Variants in UBR3 observed in about 807,000 individuals in gnomAD.
The protein encoded by UBR3 is E3 ubiquitin-protein ligase UBR3.
UBR3 carries 85 observed loss-of-function variants against 243.2 expected under a neutral mutation model. The ratio of observed to expected loss-of-function variants is 0.35; its 90% CI spans 0.29 to 0.42. The LOEUF (loss-of-function observed/expected upper bound fraction) is 0.42, where lower values mean the gene tolerates loss of function less well. Among genes scored for constraint, UBR3 ranks in the 10% least tolerant of loss-of-function variants. UBR3 has a pLI of 1.00. For missense variants in UBR3, 1,686 were observed against 2,300.8 expected (o/e 0.73, Z 5.47); for synonymous variants, 748 against 799.8 (o/e 0.94, Z 1.09).
At chr2:169,843,136 G>A (rs1225812991) in intron 1 of UBR3, among the ~76,000 whole-genome samples, 1 of 152,102 alleles carries the variant, frequency 6.6e-6, no homozygotes, top group African/African-American at 2.4e-5. Flanking sequence ...ACATTTTCAG[G>A]TATTTATTAT....
intron 35 of UBR3, among the ~76,000 whole-genome samples, chr2:170,062,864 A>G (rs2091481661): frequency 6.6e-6 from 1 of 152,232 alleles, no homozygotes; most frequent in Non-Finnish European, 1.5e-5. Context: ...CTGTAGTGGA[A>G]TACCACACAT....
intron 31 of UBR3, among the ~76,000 whole-genome samples, chr2:170,039,827 T>C (rs1321801676): frequency 6.6e-6 from 1 of 152,118 alleles, no homozygotes; most frequent in Non-Finnish European, 1.5e-5. Context: ...CTCTGCTTTA[T>C]AATATAGTCT....
intron 1 of UBR3, among the ~76,000 whole-genome samples, chr2:169,861,857 T>C (rs2083104123): frequency 1.3e-5 from 2 of 152,166 alleles, no homozygotes; most frequent in Admixed American, 6.5e-5. Context: ...ACATTTACCT[T>C]TTTGATATGT....
chr2:169,961,349 A>T (rs186678089), intron 24 of UBR3, among the ~76,000 whole-genome samples: 8,531 of 151,102 alleles, frequency 0.056, 274 homozygotes, highest in Middle Eastern at 0.071. Flanking sequence ...ATATATATAC[A>T]TTTTTTTTCT....
Position 169,872,309 on chromosome 2 carries a change from G to T in UBR3, c.619G>T (p.Glu207Ter). The change falls in exon 2 of 39, where the codon GAA becomes TAA. Residue 207 changes from glutamate (E) to a stop codon, truncating the protein, a stop_gained. Coordinates refer to ENST00000272793, the MANE Select transcript of UBR3 (RefSeq NM_172070.4). LOFTEE classifies it high-confidence loss of function. ...CCCTAAAGACTTACTGATGATGTCT[G>T]AATTTGTTCTTCCAAGATTTATATT... ...CVPKDLLMMSEFVLPRFIFCL... is the reference protein window; with the variant it reads ...CVPKDLLMMS 1 of 1,531,972 alleles carries T rather than the reference G, an allele frequency of 6.5e-7. No homozygotes were observed. The allele number at this position is 1,531,972 out of a possible 1,614,324, so 94.9% of individuals were successfully genotyped here.
intron 3 of UBR3, 138 bp downstream of exon 3, chr2:169,876,087 T>C (rs1358877459): frequency 8.3e-6 from 5 of 600,464 alleles, no homozygotes; most frequent in Non-Finnish European, 1.2e-5. Flanking sequence ...AGAACTTCTT[T>C]TTTTTTTTTT....
intron 35 of UBR3, among the ~76,000 whole-genome samples, chr2:170,071,405 T>A (rs1300832845): frequency 6.6e-6 from 1 of 152,164 alleles, no homozygotes; most frequent in Non-Finnish European, 1.5e-5. Flanking sequence ...GATTACATCC[T>A]GTATGATTTT....
chr2:169,881,878 G>C lies in UBR3; in HGVS notation c.1038+3304G>C, dbSNP rs60754529. ...GTATATGTGTATATGTATACATATAGGTATATGTGTACATGTATACATATA... is the reference window on the plus strand; with the variant it reads ...GTATATGTGTATATGTATACATATACGTATATGTGTACATGTATACATATA... On this transcript the variant is annotated intron_variant, in intron 5 of 38. Coordinates refer to ENST00000272793, the MANE Select transcript of UBR3 (RefSeq NM_172070.4). 5.0e-3 allele frequency among the ~76,000 whole-genome samples: 652 copies of C among 129,188 alleles called. 5 individuals are homozygous for C. Among genetic ancestry groups the C allele is most frequent in the African/African-American group, 0.016 (549 of 34,884 alleles). The allele number at this position is 129,188 out of a possible 152,430, so 84.8% of individuals were successfully genotyped here.
chr2:170,023,000 G>T (rs371032856), intron 30 of UBR3, among the ~76,000 whole-genome samples: 68 of 152,256 alleles, frequency 4.5e-4, no homozygotes, highest in African/African-American at 1.6e-3. Flanking sequence ...TGATGTGAGA[G>T]GTGTATACTC....
chr2:170,033,872 A>G (rs1000982461), intron 31 of UBR3, among the ~76,000 whole-genome samples: 1 of 151,802 alleles, frequency 6.6e-6, no homozygotes, highest in Non-Finnish European at 1.5e-5. Context: ...GAAAAACTAT[A>G]TTCCTATTAA....
At chr2:169,958,742 G>T (rs2087429275) in intron 24 of UBR3, among the ~76,000 whole-genome samples, 1 of 152,120 alleles carries the variant, frequency 6.6e-6, no homozygotes, top group African/African-American at 2.4e-5. Context: ...AGTTCTTCCT[G>T]ATGGTAGCAA....
intron 1 of UBR3, among the ~76,000 whole-genome samples, chr2:169,839,611 T>C (rs1035483036): frequency 1.3e-5 from 2 of 152,206 alleles, no homozygotes; most frequent in Non-Finnish European, 2.9e-5. Flanking sequence ...TATATGAATG[T>C]ATTACATTAT....
At chr2:169,964,753 A>T (rs2087731678) in intron 24 of UBR3, 4 of 404,390 alleles carry the variant, frequency 9.9e-6, no homozygotes, top group Middle Eastern at 1.0e-3. Flanking sequence ...AGTCAAGATC[A>T]TAGATTTGAA....
At position 169,962,618 on chromosome 2, in the gene UBR3, T is replaced by C. The variant is rs189785737; in HGVS notation, c.3634+4092T>C. Among the ~76,000 whole-genome samples the C allele has an allele frequency of 3.3e-5, 5 of 152,344 alleles. No homozygotes were observed. The East Asian group carries it at 9.6e-4, about 29-fold the overall frequency. On this transcript the variant is annotated intron_variant, in intron 24 of 38. Transcript: ENST00000272793. The stretch of plus-strand genomic sequence containing the variant: ...CTAGATTGATCTTTTAATTTTTTAA[T>C]GTGTTTTATCTTTTATATCATTTGT...
intron 36 of UBR3, among the ~76,000 whole-genome samples, 159 bp from the exon 37 acceptor site, chr2:170,079,655 T>C (rs2091874652): frequency 6.6e-6 from 1 of 152,214 alleles, no homozygotes; most frequent in African/African-American, 2.4e-5. Flanking sequence ...ACTACTATTT[T>C]AGTCATGTAT....
At chr2:169,878,666 C>T (rs921659283) in intron 5 of UBR3, 92 bp downstream of exon 5, 2 of 1,187,674 alleles carry the variant, frequency 1.7e-6, no homozygotes, top group Non-Finnish European at 2.4e-6. Flanking sequence ...AGTTCTGAAA[C>T]TGTATAGATT....
At chr2:170,016,844 A>C in intron 30 of UBR3, 1 of 855,186 alleles carries the variant, frequency 1.2e-6, no homozygotes, top group Non-Finnish European at 1.5e-6. Context: ...CTTTTGCTTC[A>C]TTATTTTTCC....
chr2:169,950,887 A>G (rs2105362122), intron 23 of UBR3, among the ~76,000 whole-genome samples: 1 of 152,000 alleles, frequency 6.6e-6, no homozygotes, highest in South Asian at 2.1e-4. Context: ...AGTGTTTATT[A>G]AAGAAAAAAA....
intron 36 of UBR3, among the ~76,000 whole-genome samples, chr2:170,075,799 A>C (rs145904326): frequency 1.4e-3 from 210 of 152,262 alleles, no homozygotes; most frequent in Middle Eastern, 6.8e-3. Flanking sequence ...TACCCTTGAA[A>C]AACTGTCTGT....
Sources: gnomAD v4.1 joint callset for allele counts (sites outside exome capture counted in the v4.1 genomes callset) on GRCh38, gnomAD v4.1.1 for gene constraint, MANE v1.5 for transcripts, NCBI Gene and HGNC (gene_info 2026-07-23, HGNC 2026-07-21) for gene names.